The following CSMD1 variants were observed in gnomAD, a reference collection of about 807,000 sequenced individuals.
CSMD1 encodes CUB and sushi domain-containing protein 1.
CSMD1 carries 213 observed loss-of-function variants against 417.5 expected under a neutral mutation model. That is an observed-to-expected ratio of 0.51 (90% CI 0.46 to 0.57). CSMD1 has a LOEUF of 0.57. CSMD1 is among the 20% of genes least tolerant of loss of function. CSMD1 has a pLI of 0.00. For missense variants in CSMD1, 6,923 were observed against 4,529.7 expected (o/e 1.53, Z -15.17); for synonymous variants, 2,862 against 1,736.8 (o/e 1.65, Z -16.11).
intron 1 of CSMD1, among the ~76,000 whole-genome samples, chr8:4,930,268 A>T (rs1191019901): frequency 6.6e-6 from 1 of 152,220 alleles, no homozygotes; most frequent in Non-Finnish European, 1.5e-5. Flanking sequence ...ATATTAAAAC[A>T]AAATTTATTT....
intron 5 of CSMD1, among the ~76,000 whole-genome samples, chr8:3,970,117 A>G (rs1276562306): frequency 6.6e-6 from 1 of 152,216 alleles, no homozygotes; most frequent in Non-Finnish European, 1.5e-5. Flanking sequence ...GAGAAATCTT[A>G]AAATGCTCAA....
At chr8:4,128,291 G>C (rs541281663) in intron 3 of CSMD1, among the ~76,000 whole-genome samples, 1 of 152,264 alleles carries the variant, frequency 6.6e-6, no homozygotes, top group South Asian at 2.1e-4. Flanking sequence ...GATCTGAGAA[G>C]ACTCGTGAAT....
Position 4,899,270 on chromosome 8 carries a change from G to A in CSMD1, c.85+95062C>T, listed in dbSNP as rs993138277. ...GAAATTGTAAGGTATTGCCATCCAT[G>A]CATTATAAGCAAAACATAACATTAT... On this transcript the variant is annotated intron_variant, in intron 1 of 69. Coordinates refer to ENST00000635120, the MANE Select transcript of CSMD1 (RefSeq NM_033225.6). Among the ~76,000 whole-genome samples the A allele has an allele frequency of 5.9e-5, 9 of 152,068 alleles. No individual in the cohort carries two copies. The East Asian group carries it at 1.5e-3, about 26-fold the overall frequency.
At chr8:3,872,890 A>G (rs533358316) in intron 5 of CSMD1, among the ~76,000 whole-genome samples, 24 of 152,162 alleles carry the variant, frequency 1.6e-4, no homozygotes, top group Non-Finnish European at 3.2e-4. Context: ...AAAGTGGACA[A>G]ACAACATGAA....
At chr8:3,318,002 G>T (rs528405289) in intron 23 of CSMD1, among the ~76,000 whole-genome samples, 1 of 152,134 alleles carries the variant, frequency 6.6e-6, no homozygotes, top group Non-Finnish European at 1.5e-5. Flanking sequence ...GTAGAGACAG[G>T]GTTTCCCCGG....
At chr8:3,755,911 A>G (rs1584950006) in intron 5 of CSMD1, among the ~76,000 whole-genome samples, 2 of 152,144 alleles carry the variant, frequency 1.3e-5, no homozygotes, top group East Asian at 3.9e-4. Flanking sequence ...GGCATATTTA[A>G]TCACCTTTTT....
At chr8:4,348,637 G>T (rs1800913750) in intron 3 of CSMD1, among the ~76,000 whole-genome samples, 1 of 130,858 alleles carries the variant, frequency 7.6e-6, no homozygotes, top group South Asian at 2.9e-4. Flanking sequence ...GGGAGAGGGG[G>T]AGAGGGAGGG....
chr8:4,082,103 G>C (rs1306446671), intron 3 of CSMD1, among the ~76,000 whole-genome samples: 1 of 152,174 alleles, frequency 6.6e-6, no homozygotes, highest in East Asian at 1.9e-4. Context: ...TCAAGAAAAA[G>C]AAGAGATATG....
At chr8:4,058,585 G>C (rs181463652) in intron 3 of CSMD1, among the ~76,000 whole-genome samples, 62 of 151,644 alleles carry the variant, frequency 4.1e-4, no homozygotes, top group Admixed American at 9.2e-4. Flanking sequence ...CAAAATAAAA[G>C]GATGGAGGAA....
At position 4,318,207 on chromosome 8, in the gene CSMD1, T is replaced by C. The variant is rs538964968; in HGVS notation, c.415+101746A>G. ...TATGGGTTTACATGTGAATGATAAT[T>C]ATTACAACTATTAGAACTTTTTTGT... On this transcript the variant is annotated intron_variant, in intron 3 of 69. Coordinates refer to ENST00000635120, the MANE Select transcript of CSMD1 (RefSeq NM_033225.6). Among the ~76,000 whole-genome samples the C allele has an allele frequency of 7.2e-5, 11 of 152,226 alleles. No individual in the cohort carries two copies. The South Asian group carries it at 2.3e-3, about 32-fold the overall frequency.
chr8:4,325,844 T>C (rs527929161), intron 3 of CSMD1, among the ~76,000 whole-genome samples: 7 of 152,222 alleles, frequency 4.6e-5, no homozygotes, highest in South Asian at 2.1e-4. Context: ...CAAAAGCTTA[T>C]TCCACCTGAT....
intron 10 of CSMD1, among the ~76,000 whole-genome samples, chr8:3,539,549 G>T (rs1226396756): frequency 6.6e-6 from 1 of 152,074 alleles, no homozygotes; most frequent in Non-Finnish European, 1.5e-5. Flanking sequence ...AACGTGCAAG[G>T]AAAAGCGTGA....
chr8:2,963,393 C>T lies in CSMD1; in HGVS notation c.9283G>A (p.Val3095Met), dbSNP rs752743898. ...ACCGGCGGCGGCTGAGGACACAGCA[C>T]GGCTATTTCCAAAGAACAAACAAGA... ...WNPSKPVCKAVLCPQPPPVQN... is the reference protein window; with the variant it reads ...WNPSKPVCKAMLCPQPPPVQN... Residue 3095 changes from valine (V) to methionine (M), a missense_variant and splice_region_variant, in exon 60 of 70, where the codon GTG becomes ATG. Physicochemically the swap from Val to Met is conservative, Grantham distance 21 (BLOSUM62 1). Coordinates refer to ENST00000635120, the MANE Select transcript of CSMD1 (RefSeq NM_033225.6). 11 of 1,613,236 alleles carry T rather than the reference C, an allele frequency of 6.8e-6. No homozygotes were observed. The highest frequency in any genetic ancestry group is 1.6e-4 in the Middle Eastern group (1 of 6,082).
chr8:3,636,807 ATCTTT>A (rs1797074198), intron 7 of CSMD1, among the ~76,000 whole-genome samples: 1 of 152,084 alleles, frequency 6.6e-6, no homozygotes, highest in Non-Finnish European at 1.5e-5. Flanking sequence ...ATACGATCAT[ATCTTT>A]TCTTTATTTT....
intron 5 of CSMD1, among the ~76,000 whole-genome samples, chr8:3,830,606 G>C (rs112589154): frequency 2.0e-5 from 3 of 152,052 alleles, no homozygotes; most frequent in Admixed American, 2.0e-4. Context: ...AGCAACACTG[G>C]CAGAAAAATA....
At chr8:3,372,537 G>A (rs565120192) in intron 18 of CSMD1, among the ~76,000 whole-genome samples, 116 of 152,316 alleles carry the variant, frequency 7.6e-4, no homozygotes, top group Non-Finnish European at 1.5e-3. Flanking sequence ...GAACCTGCCT[G>A]TGTCCTGAAG....
intron 5 of CSMD1, among the ~76,000 whole-genome samples, chr8:3,965,761 G>A (rs1284759605): frequency 6.6e-6 from 1 of 152,004 alleles, no homozygotes; most frequent in Non-Finnish European, 1.5e-5. Flanking sequence ...GGGACTACAG[G>A]CATGTGACAC....
intron 1 of CSMD1, among the ~76,000 whole-genome samples, chr8:4,738,895 C>CTATGTGTTTG: frequency 2.8e-5 from 1 of 35,100 alleles, no homozygotes; most frequent in East Asian, 7.0e-4. Flanking sequence ...ACTTAAAATT[C>CTATGTGTTTG]TGTGTGTTTG....
intron 3 of CSMD1, among the ~76,000 whole-genome samples, chr8:4,239,403 C>T (rs1802255086): frequency 6.6e-6 from 1 of 152,206 alleles, no homozygotes; most frequent in South Asian, 2.1e-4. Flanking sequence ...ATCTATCTAA[C>T]TGTGATTCAT....
Sources: allele counts gnomAD v4.1 joint callset (sites outside exome capture counted in the v4.1 genomes callset), GRCh38; gene constraint gnomAD v4.1.1; transcripts MANE v1.5; gene names NCBI Gene and HGNC (gene_info 2026-07-23, HGNC 2026-07-21).